The following SIMC1 variants were observed in gnomAD, a reference collection of about 807,000 sequenced individuals.
SIMC1 encodes the protein SUMO-interacting motif-containing protein 1.
SIMC1 carries 55 observed loss-of-function variants against 82.3 expected under a neutral mutation model. The ratio of observed to expected loss-of-function variants is 0.67; its 90% CI spans 0.54 to 0.84. The LOEUF is 0.84. Among genes scored for constraint, SIMC1 ranks in the 40% least tolerant of loss-of-function variants. The pLI is 0.00. For synonymous variants in SIMC1, 353 were observed against 426.3 expected (o/e 0.83, Z 2.12); for missense variants, 915 against 1,107.2 (o/e 0.83, Z 2.46).
Position 176,308,031 on chromosome 5 carries a change from T to G in SIMC1, c.1735-5660T>G, listed in dbSNP as rs1263555523. ...AATGGATGAACAAAATGAAATACTATTTAGTAATTAAAAGCAATGAGCTGG... is the reference window on the plus strand; with the variant it reads ...AATGGATGAACAAAATGAAATACTAGTTAGTAATTAAAAGCAATGAGCTGG... On this transcript the variant is annotated intron_variant, in intron 4 of 9. Transcript: ENST00000429602. 7.3e-6 allele frequency: 5 copies of G among 680,778 alleles called. No homozygotes were observed. The East Asian group carries it at 1.1e-4, about 15-fold the overall frequency. 42.2% of individuals were successfully genotyped at this position (680,778 alleles called of 1,614,324 possible).
intron 4 of SIMC1, chr5:176,308,473 G>A (rs569525735): frequency 8.1e-6 from 13 of 1,606,764 alleles, no homozygotes; most frequent in East Asian, 6.7e-5. Context: ...GTTGATGTTC[G>A]CACCCAAGCC....
chr5:176,283,095 A>T (rs959629924), intron 1 of SIMC1, among the ~76,000 whole-genome samples: 1 of 152,208 alleles, frequency 6.6e-6, no homozygotes, highest in Non-Finnish European at 1.5e-5. Context: ...GTTGGAAAAC[A>T]CTCTTCAGGA....
In SIMC1 at chr5:176,287,739, C is replaced by CA. The variant is rs199802958; in HGVS notation, c.130-1907dup. On this transcript the variant is annotated intron_variant, in intron 1 of 9. Coordinates refer to ENST00000429602, the MANE Select transcript of SIMC1 (RefSeq NM_001308195.2). ...GAAAAAAAAAATCCTAAGGAATCGACAAAAAAAAGTTTACTCAAACTAGTG... is the reference window on the plus strand; with the variant it reads ...GAAAAAAAAAATCCTAAGGAATCGACAAAAAAAAAGTTTACTCAAACTAGTG... 9.3e-3 allele frequency among the ~76,000 whole-genome samples: 1,379 copies of CA among 147,602 alleles called. 18 individuals are homozygous for CA. The highest frequency in any genetic ancestry group is 0.032 in the African/African-American group (1,306 of 40,376).
At chr5:176,301,950 G>T (rs1267184253) in intron 4 of SIMC1, among the ~76,000 whole-genome samples, 8 of 152,144 alleles carry the variant, frequency 5.3e-5, no homozygotes, top group Admixed American at 3.3e-4. Flanking sequence ...ACTGGTTCCA[G>T]GACCTCCCTT....
chr5:176,241,720 G>C (rs1011114708), intron 1 of SIMC1, among the ~76,000 whole-genome samples: 2 of 151,388 alleles, frequency 1.3e-5, no homozygotes, highest in East Asian at 3.9e-4. Flanking sequence ...CTCATGTTTT[G>C]TATGTTATAT....
At chr5:176,340,316 C>G (rs4623164) in intron 9 of SIMC1, among the ~76,000 whole-genome samples, 3 of 152,242 alleles carry the variant, frequency 2.0e-5, no homozygotes, top group East Asian at 1.9e-4. Context: ...CAATCCCCCC[C>G]ACCCCAGTTG....
intron 4 of SIMC1, chr5:176,308,744 G>A: frequency 5.6e-6 from 8 of 1,418,032 alleles, no homozygotes; most frequent in African/African-American, 1.4e-5. Context: ...TCGGGAAAGC[G>A]TGCCTTGAAT....
intron 4 of SIMC1, among the ~76,000 whole-genome samples, chr5:176,310,637 T>C (rs1450416393): frequency 6.6e-6 from 1 of 152,216 alleles, no homozygotes; most frequent in Non-Finnish European, 1.5e-5. Flanking sequence ...TTGCCAGGGA[T>C]AGGGACTGGA....
At position 176,290,774 on chromosome 5, in the gene SIMC1, C is replaced by G. The variant is rs1763522841; in HGVS notation, c.1250C>G (p.Pro417Arg). 1.2e-6 allele frequency: 2 copies of G among 1,612,744 alleles called. No homozygotes were observed. Among genetic ancestry groups the G allele is most frequent in the Non-Finnish European group, 1.7e-6 (2 of 1,179,346 alleles). The stretch of plus-strand genomic sequence containing the variant: ...CCTTGGCTCTCTGTCATGGAAACCC[C>G]AGCCAGAAAAGAAATATCACTGTCA... ...KVPWLSVMET[P>R]ARKEISLSEP... is the part of the protein sequence containing the mutation. The change falls in exon 2 of 10, where the codon CCA becomes CGA. Residue 417 changes from proline (P) to arginine (R), a missense_variant. Around this residue, in one of 2 missense-constraint regions of SIMC1, gnomAD observed 902 missense variants for 1,040.3 expected, o/e 0.87. Transcript: ENST00000429602.
At chr5:176,264,424 C>G (rs1007618026) in intron 1 of SIMC1, among the ~76,000 whole-genome samples, 2 of 152,248 alleles carry the variant, frequency 1.3e-5, no homozygotes, top group Non-Finnish European at 2.9e-5. Context: ...CCAGAATGTG[C>G]TCTTGCATTC....
intron 1 of SIMC1, among the ~76,000 whole-genome samples, chr5:176,266,378 A>G (rs1293413891): frequency 1.3e-5 from 2 of 152,114 alleles, no homozygotes; most frequent in Non-Finnish European, 2.9e-5. Context: ...ATGACTGCTC[A>G]GGTGGTTGGC....
At chr5:176,296,140 A>G in intron 3 of SIMC1, 111 bp from the exon 4 acceptor site, 1 of 1,558,700 alleles carries the variant, frequency 6.4e-7, no homozygotes, top group Non-Finnish European at 8.7e-7. Context: ...GAGCAAGAGC[A>G]TGGAGGATAA....
chr5:176,296,483 A>G (rs1240011902), intron 4 of SIMC1, 163 bp downstream of exon 4: 9 of 963,812 alleles, frequency 9.3e-6, no homozygotes, highest in Non-Finnish European at 1.2e-5. Context: ...GGGCAACAAA[A>G]TGAGACCCTG....
Position 176,290,860 on chromosome 5 carries a change from A to G in SIMC1, c.1336A>G (p.Asn446Asp). 8.1e-6 allele frequency: 13 copies of G among 1,613,716 alleles called. No homozygotes were observed. The highest frequency in any genetic ancestry group is 1.1e-5 in the South Asian group (1 of 91,060). Reference protein sequence around the residue: ...QSRTPQGGLYNRPCLHRLKYF... With the variant: ...QSRTPQGGLYDRPCLHRLKYF... ...ACGAACACCACAAGGTGGGTTGTAC[A>G]ACAGACCATGCCTGCATAGACTGAA... is the stretch of plus-strand genomic sequence containing the variant. The change falls in exon 2 of 10, where the codon AAC becomes GAC. Residue 446 changes from asparagine to aspartate, a missense_variant. Asn to Asp is a conservative substitution (Grantham distance 23). This residue lies in a region of SIMC1 where 902 missense variants were observed against 1,040.3 expected (regional missense o/e 0.87). Transcript: ENST00000429602.
chr5:176,246,782 C>T (rs1459798267), intron 1 of SIMC1, among the ~76,000 whole-genome samples: 3 of 151,798 alleles, frequency 2.0e-5, no homozygotes, highest in Admixed American at 6.6e-5. Context: ...CCAACAGGCC[C>T]GGGTGTGTGA....
rs576915634 is a variant in SIMC1 at position 176,253,890 on chromosome 5, G to T, written c.129+15253G>T. Among the ~76,000 whole-genome samples the T allele has an allele frequency of 3.3e-4, 51 of 152,242 alleles. 1 individual carries two copies. Among genetic ancestry groups the T allele is most frequent in the African/African-American group, 1.2e-3 (50 of 41,530 alleles). On this transcript the variant is annotated intron_variant, in intron 1 of 9. Transcript: ENST00000429602. ...TTCAGCCATGAACCTAGGATTCAAGGTTCAATTAAACCTTTGAATCAATTG... is the reference window on the plus strand; with the variant it reads ...TTCAGCCATGAACCTAGGATTCAAGTTTCAATTAAACCTTTGAATCAATTG...
chr5:176,279,810 C>G (rs1450387876), intron 1 of SIMC1, among the ~76,000 whole-genome samples: 1 of 151,904 alleles, frequency 6.6e-6, no homozygotes, highest in South Asian at 2.1e-4. Flanking sequence ...ATCCTGAGTT[C>G]TAGTTTGATT....
chr5:176,276,402 G>A (rs911322437), intron 1 of SIMC1, among the ~76,000 whole-genome samples: 1 of 149,056 alleles, frequency 6.7e-6, no homozygotes, highest in Admixed American at 6.7e-5. Flanking sequence ...TATCAATTTT[G>A]TTGGTCCTTT....
intron 1 of SIMC1, among the ~76,000 whole-genome samples, chr5:176,276,439 ATTTT>A (rs537743976): frequency 1.4e-5 from 2 of 141,522 alleles, no homozygotes; most frequent in Non-Finnish European, 3.1e-5. Context: ...GGATTCATTA[ATTTT>A]TTTTTCTTTT....
Sources: allele counts gnomAD v4.1 joint callset (sites outside exome capture counted in the v4.1 genomes callset), GRCh38; gene constraint gnomAD v4.1.1; regional missense constraint gnomAD v4.1.1; transcripts MANE v1.5; gene names NCBI Gene and HGNC (gene_info 2026-07-23, HGNC 2026-07-21).